The following ZNF280C variants were observed in gnomAD, a reference collection of about 807,000 sequenced individuals.
ZNF280C encodes the protein suppressor of hairy wing homolog 3.
ZNF280C carries 14 observed loss-of-function variants against 53.6 expected under a neutral mutation model. The ratio of observed to expected loss-of-function variants is 0.26; its 90% confidence interval spans 0.17 to 0.41. The LOEUF (loss-of-function observed/expected upper bound fraction) is 0.41. Ranked by LOEUF, ZNF280C falls within the 10% of genes least tolerant of loss-of-function variation. The pLI, the probability that ZNF280C is intolerant of heterozygous loss-of-function variation, is 1.00. For missense variants in ZNF280C, 416 were observed against 547.1 expected (o/e 0.76, Z 2.39); for synonymous variants, 203 against 181.1 (o/e 1.12, Z -0.97).
rs768430027 is a variant in ZNF280C, at chrX:130,229,041, T to C, written c.1083A>G (p.Gln361=). ...ACTGCAGTTGGAAGGGTGTGGGATA[T>C]TGCCGGTAACAGTGCTGGCAGGTGG... ...NHTTCQHCYR[Q]YPTPFQLQCH... The change falls in exon 10 of 19, where the codon CAA becomes CAG. Residue 361 remains glutamine (Q), a synonymous_variant. Transcript: ENST00000370978. 27 of 1,207,827 alleles carry C rather than the reference T, an allele frequency of 2.2e-5. No individual in the cohort carries two copies. The highest frequency in any genetic ancestry group is 3.0e-5 in the East Asian group (1 of 33,748).
intron 13 of ZNF280C, among the ~76,000 whole-genome samples, chrX:130,217,379 A>G (rs1450563857): frequency 8.9e-6 from 1 of 112,329 alleles, no homozygotes; most frequent in African/African-American, 3.2e-5. Flanking sequence ...AATTTATATG[A>G]AACGTCCAGA....
chrX:130,252,130 AAAAAACGAAAAAACC>A (rs1840740480), intron 2 of ZNF280C, among the ~76,000 whole-genome samples: 1 of 112,165 alleles, frequency 8.9e-6, no homozygotes, highest in East Asian at 2.8e-4. Context: ...AATGAAAAAC[AAAAAACGAAAAAACC>A]AAAAATCAAA....
rs1253489423 is a variant in ZNF280C at position 130,236,199 on chromosome X, T to A, written c.771+15A>T. Reference sequence around the variant, plus strand: ...TAAAACATTTTTAACAATTGAACTTTGAAAAAAGTTTTACCTTCATGTGGT... The same window carrying A: ...TAAAACATTTTTAACAATTGAACTTAGAAAAAAGTTTTACCTTCATGTGGT... On this transcript the variant is annotated intron_variant, in intron 8 of 18. Coordinates refer to ENST00000370978, the MANE Select transcript of ZNF280C (RefSeq NM_017666.5). 8.8e-7 allele frequency: 1 copy of A among 1,133,334 alleles called. No individual in the cohort carries two copies. Among genetic ancestry groups the A allele is most frequent in the Non-Finnish European group, 1.2e-6 (1 of 837,308 alleles). The allele number at this position is 1,133,334 out of a possible 1,213,427, so 93.4% of individuals were successfully genotyped here.
chrX:130,222,330 A>ACC (rs1556305654), intron 12 of ZNF280C, among the ~76,000 whole-genome samples: 16 of 96,375 alleles, frequency 1.7e-4, no homozygotes, highest in African/African-American at 5.7e-4. Context: ...ACACACACAC[A>ACC]CCCTTCTCTA....
intron 15 of ZNF280C, among the ~76,000 whole-genome samples, chrX:130,212,456 C>A (rs1248820168): frequency 9.0e-6 from 1 of 111,096 alleles, no homozygotes; most frequent in African/African-American, 3.3e-5. Flanking sequence ...AACAGTTTAA[C>A]AGACAGAAGT....
chrX:130,210,770 A>G (rs2032031804), intron 15 of ZNF280C, among the ~76,000 whole-genome samples: 1 of 112,579 alleles, frequency 8.9e-6, no homozygotes, highest in South Asian at 3.7e-4. Context: ...CCTCCCTTTA[A>G]AATGATAAGG....
At position 130,243,564 on chromosome X, in the gene ZNF280C, G is replaced by A. The variant is rs1196366539; in HGVS notation, c.380C>T (p.Pro127Leu). ...SSVTVENASKPDFTKNSQVGS... is the reference protein window; with the variant it reads ...SSVTVENASKLDFTKNSQVGS... Reference sequence around the variant, plus strand: ...TTGTGTAATTTTATAAACACTTACAGGTTTAGACGCATTCTCAACAGTAAC... The same window carrying A: ...TTGTGTAATTTTATAAACACTTACAAGTTTAGACGCATTCTCAACAGTAAC... The change falls in exon 5 of 19, where the codon CCT becomes CTT. Residue 127 changes from proline (P) to leucine (L), a missense_variant and splice_region_variant. Around this residue, in one of 3 missense-constraint regions of ZNF280C, gnomAD observed 193 missense variants for 201.4 expected, o/e 0.96. Coordinates refer to ENST00000370978, the MANE Select transcript of ZNF280C (RefSeq NM_017666.5). 1 of 1,207,398 alleles carries A rather than the reference G, an allele frequency of 8.3e-7. No individual in the cohort carries two copies. Among genetic ancestry groups the A allele is most frequent in the Non-Finnish European group, 1.1e-6 (1 of 893,077 alleles).
Position 130,209,326 on chromosome X carries a change from C to G in ZNF280C, c.2042+327G>C, listed in dbSNP as rs1022070938. On this transcript the variant is annotated intron_variant, in intron 16 of 18. Transcript: ENST00000370978. Reference sequence around the variant, plus strand: ...AATTTTTTTTCTGTACAGTAAACAACTTATATACTTTAATTCTAAAAACAT... The same window carrying G: ...AATTTTTTTTCTGTACAGTAAACAAGTTATATACTTTAATTCTAAAAACAT... 3.6e-5 allele frequency among the ~76,000 whole-genome samples: 4 copies of G among 112,303 alleles called. No homozygotes were observed. The Admixed American group carries it at 3.8e-4, about 11-fold the overall frequency.
Position 130,215,783 on chromosome X carries a change from G to T in ZNF280C, c.1838+8C>A, listed in dbSNP as rs765957183. On this transcript the variant is annotated splice_region_variant and intron_variant, in intron 14 of 18. Coordinates refer to ENST00000370978, the MANE Select transcript of ZNF280C (RefSeq NM_017666.5). ...TTTGTATTGTATATCAGGAATAAAA[G>T]ATATTACCTTATGTTCTTCAAAGCA... The T allele has an allele frequency of 3.5e-5, 41 of 1,182,307 alleles. No homozygotes were observed. The South Asian group carries it at 7.2e-4, about 21-fold the overall frequency.
intron 12 of ZNF280C, among the ~76,000 whole-genome samples, chrX:130,222,226 T>G (rs1171140423): frequency 9.5e-6 from 1 of 104,783 alleles, no homozygotes; most frequent in Non-Finnish European, 1.9e-5. Context: ...CTACCTATAT[T>G]TTCTTCCCAT....
rs1254264906 is a variant in ZNF280C, at chrX:130,266,646, GA to G, written c.-17+2115del. On this transcript the variant is annotated intron_variant, in intron 1 of 18. Transcript: ENST00000370978. ...AAAGTTAAAAAGGAAACAAAAAAAT[GA>G]AAAAAAAAACTCCTTAAAAGAAAAC... Among the ~76,000 whole-genome samples the G allele has an allele frequency of 3.9e-3, 401 of 103,585 alleles. 3 individuals are homozygous for G. The highest frequency in any genetic ancestry group is 0.013 in the African/African-American group (374 of 28,540). 90.0% of individuals were successfully genotyped at this position (103,585 alleles called of 115,157 possible).
chrX:130,247,409 A>G (rs986744967), intron 2 of ZNF280C, among the ~76,000 whole-genome samples: 11 of 111,538 alleles, frequency 9.9e-5, no homozygotes, highest in Non-Finnish European at 1.7e-4. Context: ...TGCCCAGCCT[A>G]CTGACTTGAT....
At chrX:130,207,939 C>T in intron 16 of ZNF280C, among the ~76,000 whole-genome samples, 1 of 111,542 alleles carries the variant, frequency 9.0e-6, no homozygotes, top group East Asian at 2.8e-4. Context: ...ATCCATACCC[C>T]TTTAATAAAT....
intron 1 of ZNF280C, among the ~76,000 whole-genome samples, chrX:130,263,896 G>A (rs761236714): frequency 9.2e-6 from 1 of 108,828 alleles, no homozygotes; most frequent in Admixed American, 9.9e-5. Flanking sequence ...GTGGTAGCAT[G>A]TGCCTGTAAT....
At position 130,230,712 on chromosome X, in the gene ZNF280C, T is replaced by A. The variant is rs2032267896; in HGVS notation, c.787A>T (p.Met263Leu). The change falls in exon 9 of 19, where the codon ATG becomes TTG. Residue 263 changes from methionine (M) to leucine (L), a missense_variant. By Grantham distance (15) the Met-to-Leu change is conservative. Transcript: ENST00000370978. ...ATTACTCCCAAAAATTTAGTTATCA[T>A]GTCTGGACAACAATGCTGAAAGAGG... Reference protein sequence around the residue: ...KYHMKHCCPDMITKFLGVIVK... With the variant: ...KYHMKHCCPDLITKFLGVIVK... 8.3e-7 allele frequency: 1 copy of A among 1,199,174 alleles called. No homozygotes were observed.
In ZNF280C at chrX:130,243,795, T is replaced by A. The variant is rs139333796; in HGVS notation, c.244+5A>T. 1.2e-3 allele frequency: 1,408 copies of A among 1,189,301 alleles called. 5 individuals are homozygous for A. Among genetic ancestry groups the A allele is most frequent in the African/African-American group, 0.011 (618 of 56,504 alleles). On this transcript the variant is annotated splice_donor_5th_base_variant and intron_variant, in intron 4 of 18. Coordinates refer to ENST00000370978, the MANE Select transcript of ZNF280C (RefSeq NM_017666.5). ...TAAAATTGAAATACTACAGTAATAC[T>A]GTACCTGGACTGTGTGGCTCACTCT...
chrX:130,255,482 T>A (rs1603246010), intron 2 of ZNF280C, among the ~76,000 whole-genome samples: 3 of 89,110 alleles, frequency 3.4e-5, no homozygotes, highest in African/African-American at 1.3e-4. Flanking sequence ...TAACAAAAGC[T>A]CCAGAAAAAA....
At chrX:130,251,282 C>CAAAAAAAAAAAA (rs61571389) in intron 2 of ZNF280C, among the ~76,000 whole-genome samples, 493 of 15,327 alleles carry the variant, frequency 0.032, 90 homozygotes, top group Non-Finnish European at 0.039. Context: ...GGACCTGTCT[C>CAAAAAAAAAAAA]AAAAAAAAAA....
chrX:130,219,554 G>A (rs1383654288), intron 13 of ZNF280C, among the ~76,000 whole-genome samples: 1 of 92,643 alleles, frequency 1.1e-5, no homozygotes, highest in Non-Finnish European at 2.1e-5. Flanking sequence ...GAAGGAGAAA[G>A]AAATTTGTAG....
Sources: allele counts gnomAD v4.1 joint callset (sites outside exome capture counted in the v4.1 genomes callset), GRCh38; gene constraint gnomAD v4.1.1; regional missense constraint gnomAD v4.1.1; transcripts MANE v1.5; gene names NCBI Gene and HGNC (gene_info 2026-07-23, HGNC 2026-07-21).